TTC21B: variants seen among roughly 807,000 people sequenced by gnomAD.
TTC21B encodes tetratricopeptide repeat domain 21B, also known as tetratricopeptide repeat protein 21B.
TTC21B carries 127 observed loss-of-function variants against 175.1 expected under a neutral mutation model. The ratio of observed to expected loss-of-function variants is 0.73; its 90% CI spans 0.63 to 0.84. TTC21B has a LOEUF of 0.84. TTC21B is among the 40% of genes least tolerant of loss of function. The pLI is 0.00. For synonymous variants in TTC21B, 524 were observed against 524.5 expected, an observed-to-expected ratio of 1.00 and a Z score of 0.01; for missense variants, 1,561 against 1,558.3, an observed-to-expected ratio of 1.00 and a Z score of -0.03.
chr2:165,904,342 T>C (rs952812981), intron 19 of TTC21B, among the ~76,000 whole-genome samples: 1 of 150,124 alleles, frequency 6.7e-6, no homozygotes, highest in African/African-American at 2.5e-5. Context: ...ATCATAAACT[T>C]AGATAGATAT....
At chr2:165,888,219 T>A (rs1685072849) in intron 25 of TTC21B, 60 bp downstream of exon 25, 1 of 1,283,566 alleles carries the variant, frequency 7.8e-7, no homozygotes, top group Admixed American at 1.8e-5. Flanking sequence ...AATCAAAATA[T>A]ATGTTTCTAT....
intron 13 of TTC21B, among the ~76,000 whole-genome samples, chr2:165,919,000 A>G (rs1390519136): frequency 6.6e-6 from 1 of 152,192 alleles, no homozygotes; most frequent in African/African-American, 2.4e-5. Context: ...ACAGCAGAGT[A>G]TTAGTAAATG....
At position 165,953,135 on chromosome 2, in the gene TTC21B, C is replaced by T. The variant is rs556475632; in HGVS notation, c.21+550G>A. Among the ~76,000 whole-genome samples, 6 of 152,280 alleles carry T rather than the reference C, an allele frequency of 3.9e-5. No homozygotes were observed. The East Asian group carries it at 1.2e-3, about 29-fold the overall frequency. On this transcript the variant is annotated intron_variant, in intron 1 of 28. Coordinates refer to ENST00000243344, the MANE Select transcript of TTC21B (RefSeq NM_024753.5). ...TCCGAAAAGTTATTTTATTTTCAAG[C>T]CTCATGTCTTTAACTGTTTTATATC...
chr2:165,899,802 G>A lies in TTC21B; in HGVS notation c.2836C>T (p.Gln946Ter). The A allele has an allele frequency of 6.2e-7, 1 of 1,613,870 alleles. No homozygotes were observed. The highest frequency in any genetic ancestry group is 8.5e-7 in the Non-Finnish European group (1 of 1,179,768). ...SCLRQCALLL[Q>*]SDQDNEAATM... ...GCAGCTTCGTTATCCTGGTCACTCTGAAGCAGTAGAGCACACTGCCGCAGG... is the reference window on the plus strand; with the variant it reads ...GCAGCTTCGTTATCCTGGTCACTCTAAAGCAGTAGAGCACACTGCCGCAGG... Residue 946 changes from glutamine to a stop codon, truncating the protein, a stop_gained, in exon 21 of 29, where the codon CAG (glutamine) becomes TAG (stop). Coordinates refer to ENST00000243344, the MANE Select transcript of TTC21B (RefSeq NM_024753.5). LOFTEE classifies it high-confidence loss of function.
intron 20 of TTC21B, 84 bp downstream of exon 20, chr2:165,901,638 A>G: frequency 7.3e-7 from 1 of 1,373,522 alleles, no homozygotes; most frequent in Non-Finnish European, 1.0e-6. Context: ...CTTCTTTTAA[A>G]ATAAGCTGGT....
chr2:165,880,651 GA>G (rs751982959), intron 27 of TTC21B, 27 bp downstream of exon 27: 1 of 1,612,240 alleles, frequency 6.2e-7, no homozygotes, highest in African/African-American at 1.3e-5. Context: ...ATTTTTCTGT[GA>G]AAAATCTAGG....
chr2:165,936,599 G>C (rs964303427), intron 6 of TTC21B, among the ~76,000 whole-genome samples: 4 of 151,726 alleles, frequency 2.6e-5, no homozygotes, highest in African/African-American at 9.7e-5. Flanking sequence ...CCAACAATAA[G>C]AAAACAATCA....
intron 22 of TTC21B, among the ~76,000 whole-genome samples, chr2:165,895,212 G>T (rs1035667074): frequency 1.3e-5 from 2 of 152,152 alleles, no homozygotes; most frequent in African/African-American, 4.8e-5. Context: ...AAGCATGGTT[G>T]TATGTCATTT....
At chr2:165,914,495 C>CT (rs1686069727) in intron 15 of TTC21B, among the ~76,000 whole-genome samples, 1 of 152,112 alleles carries the variant, frequency 6.6e-6, no homozygotes, top group Non-Finnish European at 1.5e-5. Context: ...TTAAAAGAAT[C>CT]TGAGCAGCTT....
chr2:165,950,190 T>C lies in TTC21B; in HGVS notation c.22-466A>G, dbSNP rs144090453. Among the ~76,000 whole-genome samples the C allele has an allele frequency of 7.9e-5, 12 of 152,300 alleles. No homozygotes were observed. In the East Asian group the frequency reaches 2.3e-3, roughly 29 times the overall value. Reference sequence around the variant, plus strand: ...TACAGCATTACAAAGTAATGACAAATTTAATTCTTCAACATATCATCAAAT... The same window carrying C: ...TACAGCATTACAAAGTAATGACAAACTTAATTCTTCAACATATCATCAAAT... On this transcript the variant is annotated intron_variant, in intron 1 of 28. Transcript: ENST00000243344.
intron 3 of TTC21B, chr2:165,948,714 T>C (rs185151062): frequency 7.2e-5 from 11 of 152,544 alleles, no homozygotes; most frequent in Admixed American, 2.0e-4. Context: ...CATAACTTTA[T>C]TTTTTATTTT....
chr2:165,913,767 T>C, intron 15 of TTC21B, 121 bp from the exon 16 acceptor site: 3 of 772,306 alleles, frequency 3.9e-6, no homozygotes, highest in Admixed American at 2.3e-5. Context: ...AGTATCTCTA[T>C]ATACCCAACA....
rs778323205 is a variant in TTC21B at position 165,901,852 on chromosome 2, A to T, written c.2627T>A (p.Val876Asp). The T allele has an allele frequency of 5.0e-6, 8 of 1,613,980 alleles. No homozygotes were observed. The African/African-American group carries it at 9.3e-5, about 19-fold the overall frequency. ...AGCTGCTAAATGTTTCTGTGCAGGA[A>T]CTGCATCTGGCTGTTCCATCTGAAC... ...KRVQMEQPDA[V>D]PAQKHLAAEI... The change falls in exon 20 of 29, where the codon GTT (valine) becomes GAT (aspartate). Residue 876 changes from valine to aspartate, a missense_variant. By Grantham distance (152) the Val-to-Asp change is radical (BLOSUM62 -3). Coordinates refer to ENST00000243344, the MANE Select transcript of TTC21B (RefSeq NM_024753.5).
chr2:165,901,324 T>C (rs561124118), intron 20 of TTC21B, among the ~76,000 whole-genome samples: 393 of 152,298 alleles, frequency 2.6e-3, no homozygotes, highest in Non-Finnish European at 4.7e-3. Flanking sequence ...TCTATTTTTT[T>C]ATTTTATTTT....
chr2:165,932,615 T>G (rs1461131575), intron 7 of TTC21B, among the ~76,000 whole-genome samples: 1 of 152,046 alleles, frequency 6.6e-6, no homozygotes, highest in Non-Finnish European at 1.5e-5. Context: ...TAAATTACAT[T>G]TTGCATACAT....
At position 165,953,699 on chromosome 2, in the gene TTC21B, A is replaced by G. The variant is rs958477011; in HGVS notation, c.7T>C (p.Ser3Pro). 4.0e-6 allele frequency: 6 copies of G among 1,501,230 alleles called. No individual in the cohort carries two copies. The highest frequency in any genetic ancestry group is 5.4e-6 in the Non-Finnish European group (6 of 1,118,594). 93.0% of individuals were successfully genotyped at this position (1,501,230 alleles called of 1,614,324 possible). The change falls in exon 1 of 29, where the codon TCG becomes CCG. Residue 3 changes from serine (S) to proline (P), a missense_variant. Physicochemically the swap from Ser to Pro is moderately conservative, Grantham distance 74 (BLOSUM62 -1). Coordinates refer to ENST00000243344, the MANE Select transcript of TTC21B (RefSeq NM_024753.5). The part of the protein sequence containing the change: MD[S>P]QELKTLINYY... ...CACCCGCTCACCTTCAATTCCTGCG[A>G]GTCCATGGCTGCCCCGAGGCCGGGC...
chr2:165,952,620 G>T (rs527921756), intron 1 of TTC21B, among the ~76,000 whole-genome samples: 2 of 152,168 alleles, frequency 1.3e-5, no homozygotes, highest in African/African-American at 4.8e-5. Context: ...TGTTCATTTG[G>T]GTGGCAGTGC....
At chr2:165,916,963 G>A (rs941694697) in intron 14 of TTC21B, among the ~76,000 whole-genome samples, 6 of 151,962 alleles carry the variant, frequency 3.9e-5, no homozygotes, top group African/African-American at 1.2e-4. Context: ...TGCAACCTCC[G>A]CCTCCTAGGT....
chr2:165,878,324 TAGAACTCAACTATATGCAATCAGG>T (rs879692617), intron 27 of TTC21B, among the ~76,000 whole-genome samples: 1 of 152,096 alleles, frequency 6.6e-6, no homozygotes, highest in Non-Finnish European at 1.5e-5. Context: ...CCAAACTTAT[TAGAACTCAACTATATGCAATCAGG>T]AGAGACAGCG....
Sources: gnomAD v4.1 joint callset for allele counts (sites outside exome capture counted in the v4.1 genomes callset) on GRCh38, gnomAD v4.1.1 for gene constraint, MANE v1.5 for transcripts, NCBI Gene and HGNC (gene_info 2026-07-23, HGNC 2026-07-21) for gene names.